The following SPRR2G variants were observed in gnomAD, a reference collection of about 807,000 sequenced individuals.
SPRR2G encodes the protein small proline rich protein 2G, also known as small proline-rich protein 2G.
A neutral mutation model predicts 0.7 loss-of-function variants in SPRR2G; 1 was observed. That is an observed-to-expected ratio of 1.49 (90% CI 0.53 to 7.06). The LOEUF (loss-of-function observed/expected upper bound fraction) is 7.06, where lower values mean the gene tolerates loss of function less well. Among genes scored for constraint, SPRR2G ranks in the 30% most tolerant of loss-of-function variants. SPRR2G has a pLI of 0.14. For synonymous variants in SPRR2G, 38 were observed against 33.9 expected (o/e 1.12, Z -0.42); for missense variants, 96 against 88.5 (o/e 1.09, Z -0.34).
At chr1:153,190,609 C>G in the SPRR2G span, 1 of 152,220 alleles carries the variant, frequency 6.6e-6, no homozygotes, top group Non-Finnish European at 1.5e-5. Flanking sequence ...TGCAAGAACA[C>G]AGAACATTCA....
At chr1:153,183,020 A>G in the SPRR2G span, among the ~76,000 whole-genome samples, 1 of 150,974 alleles carries the variant, frequency 6.6e-6, no homozygotes, top group East Asian at 2.0e-4. Context: ...AAGTGTTCGT[A>G]TATATCCACA....
chr1:153,188,944 G>A, the SPRR2G span, among the ~76,000 whole-genome samples: 4 of 152,114 alleles, frequency 2.6e-5, no homozygotes, highest in Non-Finnish European at 2.9e-5. Context: ...GTGAGGCAAC[G>A]CCCCACCCTG....
the SPRR2G span, among the ~76,000 whole-genome samples, chr1:153,169,484 T>G: frequency 6.6e-6 from 1 of 151,628 alleles, no homozygotes; most frequent in Non-Finnish European, 1.5e-5. Flanking sequence ...GAGAATTGCT[T>G]GAACCCGGGA....
At chr1:153,199,669 G>A in the SPRR2G span, among the ~76,000 whole-genome samples, 2 of 152,156 alleles carry the variant, frequency 1.3e-5, no homozygotes, top group Non-Finnish European at 2.9e-5. Context: ...GTAGGAAAGA[G>A]AAGGAAATCC....
the SPRR2G span, among the ~76,000 whole-genome samples, chr1:153,167,043 A>T: frequency 0.012 from 1,834 of 152,320 alleles, 47 homozygotes; most frequent in African/African-American, 0.042. Context: ...CCCTGATGCA[A>T]TCTACTTTGA....
the SPRR2G span, among the ~76,000 whole-genome samples, chr1:153,161,861 G>A: frequency 7.2e-5 from 11 of 152,082 alleles, no homozygotes; most frequent in Admixed American, 6.6e-4. Flanking sequence ...AAAGAAAATA[G>A]GTTTCAAATA....
the SPRR2G span, among the ~76,000 whole-genome samples, chr1:153,162,332 A>G: frequency 6.6e-6 from 1 of 152,234 alleles, no homozygotes; most frequent in Non-Finnish European, 1.5e-5. Context: ...GGCAAAGCAC[A>G]TGACCTCATT....
chr1:153,170,001 A>T, the SPRR2G span, among the ~76,000 whole-genome samples: 1 of 152,226 alleles, frequency 6.6e-6, no homozygotes, highest in Non-Finnish European at 1.5e-5. Flanking sequence ...ACAGTCTTAC[A>T]GTTTATATTA....
At chr1:153,196,487 T>C in the SPRR2G span, among the ~76,000 whole-genome samples, 1 of 152,230 alleles carries the variant, frequency 6.6e-6, no homozygotes, top group African/African-American at 2.4e-5. Context: ...TTTTCACATC[T>C]TAGCTAAAGT....
chr1:153,167,320 C>G, the SPRR2G span, among the ~76,000 whole-genome samples: 2 of 151,334 alleles, frequency 1.3e-5, no homozygotes, highest in Non-Finnish European at 3.0e-5. Flanking sequence ...ACTAAAAATA[C>G]AAAATTAGCC....
chr1:153,161,540 G>C, the SPRR2G span, among the ~76,000 whole-genome samples: 8 of 152,160 alleles, frequency 5.3e-5, no homozygotes, highest in African/African-American at 1.9e-4. Context: ...TCACTCTGTT[G>C]ATTCTTTCAT....
the SPRR2G span, among the ~76,000 whole-genome samples, chr1:153,198,674 A>C: frequency 6.6e-6 from 1 of 152,164 alleles, no homozygotes. Context: ...GTCGGAGCGC[A>C]TAAGAGGAGC....
chr1:153,155,274 G>A (rs1656559151), upstream of SPRR2G, among the ~76,000 whole-genome samples: 1 of 152,088 alleles, frequency 6.6e-6, no homozygotes, highest in Non-Finnish European at 1.5e-5. Flanking sequence ...GTACCAACAA[G>A]CTGATCATCT....
At chr1:153,187,888 AGTGGGT>A in the SPRR2G span, among the ~76,000 whole-genome samples, 9 of 151,796 alleles carry the variant, frequency 5.9e-5, no homozygotes, top group Non-Finnish European at 1.0e-4. Context: ...GGGGTTTTTG[AGTGGGT>A]GTCCTTTTTG....
At chr1:153,160,863 T>G in the SPRR2G span, among the ~76,000 whole-genome samples, 1 of 151,102 alleles carries the variant, frequency 6.6e-6, no homozygotes, top group African/African-American at 2.5e-5. Context: ...AATGATAGAC[T>G]GGATTAAGAA....
At chr1:153,193,018 TTTTGAGAGATTAGGTAAACC>T in the SPRR2G span, among the ~76,000 whole-genome samples, 3 of 152,064 alleles carry the variant, frequency 2.0e-5, no homozygotes, top group African/African-American at 7.2e-5. Context: ...CATTTCTTTA[TTTTGAGAGATTAGGTAAACC>T]TTCTCCTTGT....
At chr1:153,155,125 C>T (rs750509427), upstream of SPRR2G, among the ~76,000 whole-genome samples, 2 of 152,172 alleles carry the variant, frequency 1.3e-5, no homozygotes, top group Non-Finnish European at 2.9e-5. Flanking sequence ...TATGCATTCT[C>T]TAGTTACAAT....
chr1:153,190,257 G>C, the SPRR2G span: 1 of 152,388 alleles, frequency 6.6e-6, no homozygotes. Context: ...GCAAGACTGC[G>C]CAGCAAAGCA....
the SPRR2G span, among the ~76,000 whole-genome samples, chr1:153,172,114 C>G: frequency 6.6e-6 from 1 of 152,180 alleles, no homozygotes; most frequent in Non-Finnish European, 1.5e-5. Flanking sequence ...GACAGTCAAG[C>G]CATGTCCCAT....
Sources: gnomAD v4.1 joint callset for allele counts (sites outside exome capture counted in the v4.1 genomes callset) on GRCh38, gnomAD v4.1.1 for gene constraint, MANE v1.5 for transcripts, NCBI Gene and HGNC (gene_info 2026-07-23, HGNC 2026-07-21) for gene names.